Variants in ADAMTSL1 observed in about 807,000 individuals in gnomAD.
ADAMTSL1 encodes the protein ADAMTS-like protein 1.
Under a neutral mutation model 201.8 loss-of-function variants are expected in ADAMTSL1, and 126 were observed. The observed-to-expected ratio is 0.62, with a 90% CI of 0.54 to 0.72. The LOEUF is 0.72. Ranked by LOEUF, ADAMTSL1 falls within the 30% of genes least tolerant of loss-of-function variation. The probability of loss-of-function intolerance (pLI) is 0.00; values close to 1 mark genes in which losing one functional copy is unlikely to be tolerated. For synonymous variants in ADAMTSL1, 1,121 were observed against 903.4 expected, an observed-to-expected ratio of 1.24 and a Z score of -4.32; for missense variants, 2,679 against 2,277.8, an observed-to-expected ratio of 1.18 and a Z score of -3.59.
chr9:18,226,393 C>G (rs1281698347), intron 2 of ADAMTSL1, among the ~76,000 whole-genome samples: 1 of 152,152 alleles, frequency 6.6e-6, no homozygotes, highest in Non-Finnish European at 1.5e-5. Context: ...TTCCTCACCC[C>G]TATTGAGTCT....
intron 3 of ADAMTSL1, among the ~76,000 whole-genome samples, chr9:18,569,974 C>G (rs1822189264): frequency 6.6e-6 from 1 of 152,060 alleles, no homozygotes; most frequent in Non-Finnish European, 1.5e-5. Context: ...CATCAAAAAG[C>G]ATCTCTCCAA....
chr9:18,481,841 A>G (rs1821743766), intron 1 of ADAMTSL1, among the ~76,000 whole-genome samples: 1 of 152,248 alleles, frequency 6.6e-6, no homozygotes, highest in Non-Finnish European at 1.5e-5. Context: ...ACTATTTTCA[A>G]GATAAATGGT....
chr9:18,563,336 C>T (rs535270799), intron 3 of ADAMTSL1, among the ~76,000 whole-genome samples: 9 of 152,284 alleles, frequency 5.9e-5, no homozygotes, highest in South Asian at 2.1e-4. Flanking sequence ...GTATCGGCAG[C>T]GGAGGCTACA....
chr9:18,597,237 C>T (rs1487329092), intron 4 of ADAMTSL1, among the ~76,000 whole-genome samples: 2 of 152,192 alleles, frequency 1.3e-5, no homozygotes, highest in East Asian at 1.9e-4. Flanking sequence ...TTGTGCCTTG[C>T]TCTCATTTCC....
chr9:17,931,145 T>G (rs1826766834), intron 1 of ADAMTSL1, among the ~76,000 whole-genome samples: 1 of 152,168 alleles, frequency 6.6e-6, no homozygotes. Flanking sequence ...AAGGCAATTG[T>G]AACCGAGCTA....
chr9:18,040,586 G>A (rs1821389699), intron 1 of ADAMTSL1, among the ~76,000 whole-genome samples: 1 of 152,186 alleles, frequency 6.6e-6, no homozygotes, highest in African/African-American at 2.4e-5. Context: ...AGACCTTGAT[G>A]TGAATATTAC....
intron 2 of ADAMTSL1, among the ~76,000 whole-genome samples, chr9:18,429,220 A>G (rs1199944137): frequency 1.3e-5 from 2 of 152,152 alleles, no homozygotes; most frequent in East Asian, 3.8e-4. Flanking sequence ...CTATTTTTGG[A>G]AACATTACTC....
At position 18,012,225 on chromosome 9, in the gene ADAMTSL1, A is replaced by T. The variant is rs537233995; in HGVS notation, c.87+105303A>T. Among the ~76,000 whole-genome samples, 4 of 152,134 alleles carry T rather than the reference A, an allele frequency of 2.6e-5. No homozygotes were observed. The South Asian group carries it at 8.3e-4, about 32-fold the overall frequency. On this transcript the variant is annotated intron_variant, in intron 1 of 29. Coordinates refer to the ADAMTSL1 transcript ENST00000680146. ...GCCAGTCAGAAGAGTAGCTTTGGGAAGGGTGGTGGCTTCTAACAGATGGCC... is the reference window on the plus strand; with the variant it reads ...GCCAGTCAGAAGAGTAGCTTTGGGATGGGTGGTGGCTTCTAACAGATGGCC...
chr9:18,617,615 C>T (rs1183075004), intron 4 of ADAMTSL1, among the ~76,000 whole-genome samples: 1 of 151,808 alleles, frequency 6.6e-6, no homozygotes, highest in East Asian at 1.9e-4. Flanking sequence ...AAAAATAAGA[C>T]AAGTGGCTGC....
chr9:18,649,659 A>T (rs76590196), intron 7 of ADAMTSL1, among the ~76,000 whole-genome samples: 1 of 152,084 alleles, frequency 6.6e-6, no homozygotes, highest in African/African-American at 2.4e-5. Context: ...TCCACTCCAG[A>T]CCCTGTTTGC....
Position 18,671,954 on chromosome 9 carries a change from G to A in ADAMTSL1, c.1086-3903G>A, listed in dbSNP as rs541508610. Among the ~76,000 whole-genome samples the A allele has an allele frequency of 4.5e-3, 690 of 152,142 alleles. 3 individuals carry two copies. The highest frequency in any genetic ancestry group is 7.7e-3 in the Non-Finnish European group (522 of 67,996). ...CAGGAGGCCGAGGCAGGAGAATGGC[G>A]TGAACCTGAGAGGAGGAGTTTGCAG... On this transcript the variant is annotated intron_variant, in intron 9 of 28. Coordinates refer to ENST00000380548, the MANE Select transcript of ADAMTSL1 (RefSeq NM_001040272.6).
intron 1 of ADAMTSL1, among the ~76,000 whole-genome samples, chr9:18,096,606 C>T (rs1472896997): frequency 6.6e-6 from 1 of 152,132 alleles, no homozygotes; most frequent in Non-Finnish European, 1.5e-5. Flanking sequence ...CTCATAGGAG[C>T]AATAGTTCCT....
intron 1 of ADAMTSL1, among the ~76,000 whole-genome samples, chr9:18,067,875 TCCTGGTAAGCTC>T (rs1415581800): frequency 1.1e-4 from 17 of 152,188 alleles, no homozygotes; most frequent in African/African-American, 2.4e-5. Flanking sequence ...TTCTAGAGCC[TCCTGGTAAGCTC>T]CTCTGTAGCT....
At chr9:18,727,723 A>G (rs1817974648) in intron 15 of ADAMTSL1, among the ~76,000 whole-genome samples, 1 of 152,240 alleles carries the variant, frequency 6.6e-6, no homozygotes, top group Non-Finnish European at 1.5e-5. Context: ...GTGACCATGG[A>G]AAGGAATATC....
At chr9:18,246,768 A>G (rs1237142013) in intron 2 of ADAMTSL1, among the ~76,000 whole-genome samples, 1 of 152,212 alleles carries the variant, frequency 6.6e-6, no homozygotes, top group East Asian at 1.9e-4. Flanking sequence ...ACATGCACAT[A>G]TGCACATACA....
At position 18,186,552 on chromosome 9, in the gene ADAMTSL1, T is replaced by C. The variant is rs549282257; in HGVS notation, c.207+22571T>C. On this transcript the variant is annotated intron_variant, in intron 2 of 29. Coordinates refer to the ADAMTSL1 transcript ENST00000680146. ...GGTATGTAATGCCCCACCATAAAAG[T>C]AGACTTTGCATTTCAGTCCCTTTGA... 5.9e-5 allele frequency among the ~76,000 whole-genome samples: 9 copies of C among 152,252 alleles called. No individual in the cohort carries two copies. The South Asian group carries it at 1.9e-3, about 32-fold the overall frequency.
At chr9:18,303,969 C>T (rs898556643) in intron 2 of ADAMTSL1, among the ~76,000 whole-genome samples, 3 of 152,044 alleles carry the variant, frequency 2.0e-5, no homozygotes, top group Non-Finnish European at 4.4e-5. Context: ...CAGCTCCCTT[C>T]CCAGAGCTCT....
intron 2 of ADAMTSL1, among the ~76,000 whole-genome samples, chr9:18,426,965 A>G (rs1819251582): frequency 6.6e-6 from 1 of 152,246 alleles, no homozygotes; most frequent in Admixed American, 6.5e-5. Flanking sequence ...GAACTGTAGT[A>G]TCTTCGAAAC....
At chr9:18,251,764 G>A (rs909454166) in intron 2 of ADAMTSL1, among the ~76,000 whole-genome samples, 1 of 152,142 alleles carries the variant, frequency 6.6e-6, no homozygotes, top group Admixed American at 6.6e-5. Flanking sequence ...GCTGGCACGG[G>A]CACAGAGAAA....
Sources: gnomAD v4.1 joint callset for allele counts (sites outside exome capture counted in the v4.1 genomes callset) on GRCh38, gnomAD v4.1.1 for gene constraint, MANE v1.5 for transcripts, NCBI Gene and HGNC (gene_info 2026-07-23, HGNC 2026-07-21) for gene names.